CACNA1H: variants seen among roughly 807,000 people sequenced by gnomAD.
The protein encoded by CACNA1H is calcium voltage-gated channel subunit alpha1 H, also known as voltage-dependent T-type calcium channel subunit alpha-1H.
In CACNA1H, 149 loss-of-function variants were observed where a neutral mutation model predicts 192.5. The ratio of observed to expected loss-of-function variants is 0.77; its 90% confidence interval spans 0.68 to 0.89. The LOEUF is 0.89. CACNA1H is among the 40% of genes least tolerant of loss of function. The pLI is 0.00. For missense variants in CACNA1H, 4,257 were observed against 3,423.5 expected (o/e 1.24, Z -6.08); for synonymous variants, 2,202 against 1,475.2 (o/e 1.49, Z -11.29).
At chr16:1,215,468 C>A in intron 29 of CACNA1H, 55 bp from the exon 30 acceptor site, 1 of 1,592,220 alleles carries the variant, frequency 6.3e-7, no homozygotes, top group East Asian at 2.3e-5. Flanking sequence ...GCCAGGGTCC[C>A]CGCGCAGCAG....
chr16:1,199,545 G>A (rs919739919), intron 6 of CACNA1H, among the ~76,000 whole-genome samples: 2 of 148,740 alleles, frequency 1.3e-5, no homozygotes, highest in Non-Finnish European at 1.5e-5. Flanking sequence ...CCCCAAGACA[G>A]GTTAGTCCCA....
chr16:1,220,221 G>A lies in CACNA1H; in HGVS notation c.6289G>A (p.Ala2097Thr). The A allele has an allele frequency of 6.3e-7, 1 of 1,576,870 alleles. No individual in the cohort carries two copies. Residue 2097 changes from alanine to threonine, a missense_variant, in exon 35 of 35, where the codon GCC becomes ACC. Physicochemically the swap from Ala to Thr is moderately conservative, Grantham distance 58 (BLOSUM62 0). Coordinates refer to ENST00000348261, the MANE Select transcript of CACNA1H (RefSeq NM_021098.3). ...AGAGGAGGCCGAGGCCTCGGACCCA[G>A]CCGACGAGGAGGTCAGCCACATCAC... ...GGEEAEASDP[A>T]DEEVSHITSS...
intron 6 of CACNA1H, 33 bp downstream of exon 6, chr16:1,198,807 C>G (rs1039398239): frequency 2.5e-6 from 4 of 1,585,274 alleles, no homozygotes. Flanking sequence ...AGGCCCCTGC[C>G]CAGATGGCCC....
At chr16:1,188,389 C>T (rs1272782635) in intron 2 of CACNA1H, among the ~76,000 whole-genome samples, 1 of 152,192 alleles carries the variant, frequency 6.6e-6, no homozygotes, top group East Asian at 1.9e-4. Context: ...TCCCACAGCA[C>T]CTCAGGGCTC....
chr16:1,165,818 T>C (rs1344389942), intron 2 of CACNA1H, among the ~76,000 whole-genome samples: 1 of 152,196 alleles, frequency 6.6e-6, no homozygotes, highest in Non-Finnish European at 1.5e-5. Flanking sequence ...CATGGTTTCC[T>C]TTCTCCCCAG....
At chr16:1,212,343 A>AC (rs1969553189) in intron 25 of CACNA1H, among the ~76,000 whole-genome samples, 168 bp from the exon 26 acceptor site, 1 of 151,260 alleles carries the variant, frequency 6.6e-6, no homozygotes, top group African/African-American at 2.4e-5. Flanking sequence ...AGGAGGAGAC[A>AC]CCCCCAACCC....
chr16:1,213,743 C>T, intron 26 of CACNA1H, 37 bp from the exon 27 acceptor site: 2 of 1,472,726 alleles, frequency 1.4e-6, no homozygotes, highest in Admixed American at 2.8e-5. Context: ...CGCCGGGCGG[C>T]CCTCCTGCCC....
intron 11 of CACNA1H, 67 bp downstream of exon 11, chr16:1,205,332 C>G: frequency 6.7e-7 from 1 of 1,487,178 alleles, no homozygotes; most frequent in Non-Finnish European, 9.1e-7. Context: ...GAAATCCCAC[C>G]TGCAGAGCAA....
intron 2 of CACNA1H, among the ~76,000 whole-genome samples, chr16:1,193,094 G>A (rs1297752528): frequency 6.6e-6 from 1 of 152,272 alleles, no homozygotes; most frequent in East Asian, 1.9e-4. Context: ...AGGTCAGGGA[G>A]CACCGTTCCC....
At position 1,194,985 on chromosome 16, in the gene CACNA1H, G is replaced by C; in HGVS notation, c.313G>C (p.Val105Leu). 1 of 1,611,760 alleles carries C rather than the reference G, an allele frequency of 6.2e-7. No homozygotes were observed. The highest frequency in any genetic ancestry group is 8.5e-7 in the Non-Finnish European group (1 of 1,179,058). ...CCGCGGCGACACATGGTTCGAGCAC[G>C]TGAGCATGCTGGTAATCATGCTCAA... ...RLVCNPWFEH[V>L]SMLVIMLNCV... is the part of the protein sequence containing the mutation. The change falls in exon 3 of 35, where the codon GTG becomes CTG. Residue 105 changes from valine to leucine, a missense_variant. Coordinates refer to ENST00000348261, the MANE Select transcript of CACNA1H (RefSeq NM_021098.3).
chr16:1,198,533 T>C (rs1018496382), intron 5 of CACNA1H, 82 bp from the exon 6 acceptor site: 1 of 1,504,560 alleles, frequency 6.6e-7, no homozygotes, highest in Non-Finnish European at 9.1e-7. Flanking sequence ...TGGACGGGGC[T>C]CGGGGGTCCC....
At chr16:1,177,990 G>A (rs1425380433) in intron 2 of CACNA1H, among the ~76,000 whole-genome samples, 1 of 84,130 alleles carries the variant, frequency 1.2e-5, no homozygotes, top group Non-Finnish European at 2.5e-5. Flanking sequence ...GGTCTCTCCC[G>A]CCCCCTCTCC....
rs1421191166 is a variant in CACNA1H, at chr16:1,195,576, C to T, written c.545+11C>T. The T allele has an allele frequency of 1.3e-6, 2 of 1,583,742 alleles. No homozygotes were observed. Among genetic ancestry groups the T allele is most frequent in the South Asian group, 2.3e-5 (2 of 86,468 alleles). Reference sequence around the variant, plus strand: ...CATCGTCGTGGCGGGGTAGGCCCCGCCTGGGAGAGGCCACAGCGCTGGCGA... The same window carrying T: ...CATCGTCGTGGCGGGGTAGGCCCCGTCTGGGAGAGGCCACAGCGCTGGCGA... On this transcript the variant is annotated intron_variant, in intron 4 of 34. Transcript: ENST00000348261.
chr16:1,205,825 G>A (rs1489765550), intron 11 of CACNA1H, among the ~76,000 whole-genome samples: 2 of 152,204 alleles, frequency 1.3e-5, no homozygotes, highest in African/African-American at 4.8e-5. Flanking sequence ...GGATAGGAGA[G>A]CGCCCTCGGC....
chr16:1,201,443 G>C (rs766455507), intron 8 of CACNA1H, among the ~76,000 whole-genome samples: 2 of 152,172 alleles, frequency 1.3e-5, no homozygotes, highest in Non-Finnish European at 2.9e-5. Flanking sequence ...GAGGGTTCCA[G>C]GTCTTTTGTC....
chr16:1,200,464 A>G lies in CACNA1H; in HGVS notation c.1012A>G (p.Ile338Val), dbSNP rs759899460. 4.3e-6 allele frequency: 7 copies of G among 1,611,996 alleles called. No homozygotes were observed. Among genetic ancestry groups the G allele is most frequent in the East Asian group, 4.5e-5 (2 of 44,866 alleles). ...EGVGAARNAC[I>V]NWNQYYNVCR... The stretch of plus-strand genomic sequence containing the variant: ...GGTGGGCGCTGCACGCAACGCCTGC[A>G]TCAACTGGAACCAGTACTACAACGT... Residue 338 changes from isoleucine to valine, a missense_variant, in exon 7 of 35, where the codon ATC (isoleucine) becomes GTC (valine). Transcript: ENST00000348261.
chr16:1,195,688 C>G (rs1055873165), intron 4 of CACNA1H, 123 bp downstream of exon 4: 1 of 1,225,780 alleles, frequency 8.2e-7, no homozygotes, highest in African/African-American at 1.5e-5. Context: ...CAGGTAGAGC[C>G]AGGGACCCTG....
Position 1,221,306 on chromosome 16 carries a change from CAGAG to C in CACNA1H, c.*315_*318del. ...TGTGGGACGAAGACCGGGCACCCGC[CAGAG>C]AGGGGAAGGTACCAGGTTGCGTCCT... On this transcript the variant is annotated 3_prime_UTR_variant, in exon 35 of 35. Coordinates refer to ENST00000348261, the MANE Select transcript of CACNA1H (RefSeq NM_021098.3). The C allele has an allele frequency of 2.5e-6, 1 of 403,702 alleles. No individual in the cohort carries two copies. The highest frequency in any genetic ancestry group is 4.4e-6 in the Non-Finnish European group (1 of 227,304). The allele number at this position is 403,702 out of a possible 1,614,324, so 25.0% of individuals were successfully genotyped here. A position where few individuals can be genotyped will look rare whatever the true frequency, so the allele number is the denominator to read the frequency against.
In CACNA1H at chr16:1,218,365, CAAG is replaced by C; in HGVS notation, c.5602_5604del (p.Lys1868del). On this transcript the variant is annotated inframe_deletion, in exon 33 of 35. Transcript: ENST00000348261. ...TCATGAAGCACCTGGAGGAGAGCAA[CAAG>C]GAGGCACGGGAGGATGCGGAGCTGG... The C allele has an allele frequency of 6.4e-7, 1 of 1,562,144 alleles. No individual in the cohort carries two copies. The highest frequency in any genetic ancestry group is 8.7e-7 in the Non-Finnish European group (1 of 1,154,194).
Sources: gnomAD v4.1 joint callset for allele counts (sites outside exome capture counted in the v4.1 genomes callset) on GRCh38, gnomAD v4.1.1 for gene constraint, MANE v1.5 for transcripts, NCBI Gene and HGNC (gene_info 2026-07-23, HGNC 2026-07-21) for gene names.